The following ERC2 variants were observed in gnomAD, a reference collection of about 807,000 sequenced individuals.
ERC2 encodes the protein ERC protein 2.
A neutral mutation model predicts 114.8 loss-of-function variants in ERC2; 42 were observed. The ratio of observed to expected loss-of-function variants is 0.37; its 90% CI spans 0.29 to 0.47. The LOEUF (loss-of-function observed/expected upper bound fraction) is 0.47. Ranked by LOEUF, ERC2 falls within the 20% of genes least tolerant of loss-of-function variation. The pLI, the probability that ERC2 is intolerant of heterozygous loss-of-function variation, is 0.99. For missense variants in ERC2, 939 were observed against 1,150.7 expected (o/e 0.82, Z 2.66); for synonymous variants, 454 against 425.5 (o/e 1.07, Z -0.82).
At chr3:56,032,017 C>G (rs2074406074) in intron 7 of ERC2, among the ~76,000 whole-genome samples, 1 of 152,144 alleles carries the variant, frequency 6.6e-6, no homozygotes, top group Admixed American at 6.5e-5. Flanking sequence ...AGTTCTCACT[C>G]TGTTAATTCC....
intron 17 of ERC2, among the ~76,000 whole-genome samples, chr3:55,559,623 T>A (rs2107470472): frequency 6.6e-6 from 1 of 152,348 alleles, no homozygotes; most frequent in South Asian, 2.1e-4. Context: ...GGCTAGACTG[T>A]CAGGGGTGCA....
chr3:56,219,001 G>C lies in ERC2; in HGVS notation c.1075-45481C>G, dbSNP rs148917262. Among the ~76,000 whole-genome samples the C allele has an allele frequency of 2.8e-3, 429 of 152,144 alleles. 1 individual carries two copies. The highest frequency in any genetic ancestry group is 0.018 in the South Asian group (87 of 4,814). On this transcript the variant is annotated intron_variant, in intron 3 of 17. Transcript: ENST00000288221. ...CCGGGGCCTGTTGTGGGGTGGTTTG[G>C]GGGGAGGGATAGCATCAGGAGATAT...
At chr3:56,247,269 T>C (rs1196824320) in intron 3 of ERC2, among the ~76,000 whole-genome samples, 1 of 151,940 alleles carries the variant, frequency 6.6e-6, no homozygotes, top group East Asian at 1.9e-4. Context: ...GTTAGAATTA[T>C]AGAATATTTT....
chr3:56,439,401 G>A (rs2062182554), intron 1 of ERC2, among the ~76,000 whole-genome samples: 1 of 152,190 alleles, frequency 6.6e-6, no homozygotes. Flanking sequence ...AGCTATAACT[G>A]CACCACTGCA....
intron 2 of ERC2, among the ~76,000 whole-genome samples, chr3:56,305,523 C>CAT (rs2056166029): frequency 6.9e-6 from 1 of 145,500 alleles, no homozygotes; most frequent in African/African-American, 2.5e-5. Context: ...CACACACACA[C>CAT]ACACACACAC....
intron 14 of ERC2, among the ~76,000 whole-genome samples, chr3:55,860,223 T>G (rs1430967459): frequency 6.6e-6 from 1 of 152,168 alleles, no homozygotes; most frequent in Non-Finnish European, 1.5e-5. Flanking sequence ...CAAATTTACT[T>G]GAAAGAGGAA....
intron 10 of ERC2, among the ~76,000 whole-genome samples, chr3:55,994,121 A>T (rs1288272286): frequency 6.6e-6 from 1 of 152,172 alleles, no homozygotes; most frequent in Non-Finnish European, 1.5e-5. Flanking sequence ...CTGTATTACC[A>T]TTCTTTTACA....
At chr3:55,785,212 C>A (rs1209206577) in intron 14 of ERC2, among the ~76,000 whole-genome samples, 1 of 152,160 alleles carries the variant, frequency 6.6e-6, no homozygotes, top group Non-Finnish European at 1.5e-5. Flanking sequence ...AAAAATAGGT[C>A]CAGATCAGAA....
intron 7 of ERC2, among the ~76,000 whole-genome samples, chr3:56,045,357 T>A (rs1484652005): frequency 6.6e-6 from 1 of 152,168 alleles, no homozygotes; most frequent in Non-Finnish European, 1.5e-5. Context: ...ATTTACTAAT[T>A]TAGCATGTTT....
intron 17 of ERC2, among the ~76,000 whole-genome samples, chr3:55,649,997 C>G (rs1328456358): frequency 6.6e-6 from 1 of 152,240 alleles, no homozygotes; most frequent in Non-Finnish European, 1.5e-5. Flanking sequence ...GGTCCTGAAT[C>G]CCGGCTCAGC....
chr3:56,432,978 G>A (rs573686056), intron 2 of ERC2, among the ~76,000 whole-genome samples: 71 of 152,100 alleles, frequency 4.7e-4, no homozygotes, highest in African/African-American at 1.3e-3. Context: ...GTTCAAGACC[G>A]GCCTTGGCAA....
At chr3:56,272,093 C>T (rs1476361013) in intron 3 of ERC2, among the ~76,000 whole-genome samples, 1 of 152,086 alleles carries the variant, frequency 6.6e-6, no homozygotes, top group Non-Finnish European at 1.5e-5. Flanking sequence ...AAATTGTTAC[C>T]TCCAGATCTA....
chr3:56,188,606 G>C (rs1017330608), intron 3 of ERC2, among the ~76,000 whole-genome samples: 1 of 152,206 alleles, frequency 6.6e-6, no homozygotes, highest in African/African-American at 2.4e-5. Context: ...ACAGAAAAGG[G>C]CATGGTCTTT....
chr3:55,902,778 A>T (rs1214061855), intron 13 of ERC2, among the ~76,000 whole-genome samples: 1 of 152,096 alleles, frequency 6.6e-6, no homozygotes, highest in African/African-American at 2.4e-5. Context: ...GGCTCCTAGG[A>T]CCAGTTACTC....
intron 17 of ERC2, among the ~76,000 whole-genome samples, chr3:55,568,421 C>A (rs909456340): frequency 1.3e-5 from 2 of 152,330 alleles, no homozygotes. Context: ...TCCGGAACAT[C>A]ATCATTTGGC....
chr3:56,227,322 G>C (rs2050311757), intron 3 of ERC2, among the ~76,000 whole-genome samples: 1 of 151,876 alleles, frequency 6.6e-6, no homozygotes, highest in Admixed American at 6.6e-5. Context: ...TTTTTCTAAA[G>C]CAATGGGGAG....
intron 13 of ERC2, among the ~76,000 whole-genome samples, chr3:55,910,919 T>G (rs1246867506): frequency 4.6e-5 from 7 of 152,188 alleles, no homozygotes; most frequent in Middle Eastern, 3.2e-3. Flanking sequence ...TTCTAGAAAT[T>G]CTTTCACTAA....
At chr3:55,585,648 G>T (rs147074649) in intron 17 of ERC2, among the ~76,000 whole-genome samples, 3 of 152,132 alleles carry the variant, frequency 2.0e-5, no homozygotes, top group Non-Finnish European at 4.4e-5. Context: ...GAGCTCTTTG[G>T]GGGGACCCTG....
intron 17 of ERC2, among the ~76,000 whole-genome samples, chr3:55,572,977 T>C (rs2107529975): frequency 6.6e-6 from 1 of 152,296 alleles, no homozygotes; most frequent in East Asian, 1.9e-4. Context: ...CCCCTTTATA[T>C]AGAGGCTGTG....
Sources: allele counts gnomAD v4.1 joint callset (sites outside exome capture counted in the v4.1 genomes callset), GRCh38; gene constraint gnomAD v4.1.1; transcripts MANE v1.5; gene names NCBI Gene and HGNC (gene_info 2026-07-23, HGNC 2026-07-21).